Variants in DMD observed in about 807,000 individuals in gnomAD.
DMD encodes the protein dystrophin.
Under a neutral mutation model 330.1 loss-of-function variants are expected in DMD, and 63 were observed. The observed-to-expected ratio is 0.19, with a 90% CI of 0.16 to 0.24. The LOEUF is 0.24. DMD is among the 10% of genes least tolerant of loss of function. DMD has a pLI of 1.00. For missense variants in DMD, 3,344 were observed against 2,684.1 expected, an observed-to-expected ratio of 1.25 and a Z score of -5.43; for synonymous variants, 1,223 against 959.8, an observed-to-expected ratio of 1.27 and a Z score of -5.07.
chrX:32,907,663 G>A (rs770793246), intron 2 of DMD, among the ~76,000 whole-genome samples: 25 of 111,670 alleles, frequency 2.2e-4, no homozygotes, highest in Admixed American at 5.7e-4. Context: ...ATTGGGTAAC[G>A]AGATCACTAA....
At chrX:31,207,068 C>T (rs1293342061) in intron 65 of DMD, among the ~76,000 whole-genome samples, 1 of 111,734 alleles carries the variant, frequency 8.9e-6, no homozygotes, top group Non-Finnish European at 1.9e-5. Context: ...AGCAAATTAC[C>T]TACTTTGGTC....
chrX:32,354,733 G>A (rs2097793134), intron 37 of DMD, among the ~76,000 whole-genome samples: 1 of 111,286 alleles, frequency 9.0e-6, no homozygotes, highest in Non-Finnish European at 1.9e-5. Flanking sequence ...ATGTGAAAAT[G>A]TGACTAATTT....
intron 32 of DMD, among the ~76,000 whole-genome samples, chrX:32,388,261 C>T (rs1012364086): frequency 3.7e-5 from 4 of 107,804 alleles, no homozygotes; most frequent in African/African-American, 6.8e-5. Flanking sequence ...ACATTAGAGA[C>T]CTGTTTCTAG....
At chrX:32,482,517 T>C (rs1312483213) in intron 21 of DMD, among the ~76,000 whole-genome samples, 1 of 112,028 alleles carries the variant, frequency 8.9e-6, no homozygotes, top group African/African-American at 3.2e-5. Context: ...CACTGCCTTG[T>C]ATGGATGTGC....
rs751618105 is a variant in DMD, at chrX:31,971,301, C to T, written c.6439-2787G>A. Among the ~76,000 whole-genome samples, 49 of 111,992 alleles carry T rather than the reference C, an allele frequency of 4.4e-4. No individual in the cohort carries two copies. In the Admixed American group the frequency reaches 4.6e-3, roughly 11 times the overall value. The stretch of plus-strand genomic sequence containing the variant: ...AGCCTCTTTGCTTTGTAGTTTTGAT[C>T]TTGGCACTTTTGCTTCATGGCTGAT... On this transcript the variant is annotated intron_variant, in intron 44 of 78. Transcript: ENST00000357033.
At chrX:31,946,554 AGATT>A (rs1390161963) in intron 45 of DMD, among the ~76,000 whole-genome samples, 1 of 111,918 alleles carries the variant, frequency 8.9e-6, no homozygotes, top group Non-Finnish European at 1.9e-5. Context: ...AGATTACTCA[AGATT>A]GGTTTTGATC....
chrX:33,037,041 A>G (rs1489234007), intron 1 of DMD, among the ~76,000 whole-genome samples: 2 of 111,100 alleles, frequency 1.8e-5, no homozygotes, highest in Non-Finnish European at 3.8e-5. Flanking sequence ...GAAGGTTTTG[A>G]TTGCATTTTC....
intron 51 of DMD, among the ~76,000 whole-genome samples, chrX:31,769,318 T>C (rs191296995): frequency 1.8e-5 from 2 of 112,659 alleles, no homozygotes; most frequent in East Asian, 5.6e-4. Context: ...CCAGTCTTTG[T>C]TGAATATGAA....
At chrX:32,875,252 T>A (rs1188794180) in intron 2 of DMD, among the ~76,000 whole-genome samples, 1 of 111,587 alleles carries the variant, frequency 9.0e-6, no homozygotes, top group African/African-American at 3.3e-5. Context: ...CTATTGCCTA[T>A]GTTTCTATTT....
chrX:31,657,773 T>C (rs1168507629), intron 54 of DMD, among the ~76,000 whole-genome samples: 2 of 111,883 alleles, frequency 1.8e-5, no homozygotes, highest in Non-Finnish European at 3.8e-5. Context: ...CTTGGTTATG[T>C]CACTACTTTT....
Position 32,100,918 on chromosome X carries a change from G to A in DMD, c.6438+115998C>T, listed in dbSNP as rs759138600. Among the ~76,000 whole-genome samples, 88 of 111,524 alleles carry A rather than the reference G, an allele frequency of 7.9e-4. 1 individual carries two copies. Among genetic ancestry groups the A allele is most frequent in the African/African-American group, 2.7e-3 (84 of 30,741 alleles). On this transcript the variant is annotated intron_variant, in intron 44 of 78. Transcript: ENST00000357033. ...GATTTTATCTTGTACTCAGTTCCAT[G>A]TTCCTATTCATTCATTTGTCTTTAT...
intron 63 of DMD, among the ~76,000 whole-genome samples, chrX:31,233,178 T>C (rs1023645873): frequency 1.8e-5 from 2 of 111,841 alleles, no homozygotes; most frequent in African/African-American, 6.5e-5. Context: ...ACTATTCTCC[T>C]CCTTTGGCTC....
At position 31,852,988 on chromosome X, in the gene DMD, G is replaced by A. The variant is rs139882844; in HGVS notation, c.7099-16169C>T. On this transcript the variant is annotated intron_variant, in intron 48 of 78. Transcript: ENST00000357033. Reference sequence around the variant, plus strand: ...AACCTCTGCCTCCCCAGCTCAAGCGGTTCTTGTGCCTCAGCCTCCAGAGTA... The same window carrying A: ...AACCTCTGCCTCCCCAGCTCAAGCGATTCTTGTGCCTCAGCCTCCAGAGTA... Among the ~76,000 whole-genome samples the A allele has an allele frequency of 7.9e-3, 892 of 112,352 alleles. 9 individuals are homozygous for A. Among genetic ancestry groups the A allele is most frequent in the African/African-American group, 0.027 (826 of 30,944 alleles).
intron 62 of DMD, among the ~76,000 whole-genome samples, chrX:31,310,225 ATGTG>A (rs1491581063): frequency 1.1e-5 from 1 of 89,305 alleles, no homozygotes; most frequent in Non-Finnish European, 2.2e-5. Context: ...ATATATATAT[ATGTG>A]TGTGTGTCTG....
chrX:32,868,704 G>T (rs2082712967), intron 2 of DMD, among the ~76,000 whole-genome samples: 1 of 112,430 alleles, frequency 8.9e-6, no homozygotes, highest in African/African-American at 3.3e-5. Flanking sequence ...CTGCTTGCAG[G>T]AATTCCAGTA....
intron 61 of DMD, among the ~76,000 whole-genome samples, chrX:31,331,665 G>A: frequency 8.9e-6 from 1 of 111,877 alleles, no homozygotes; most frequent in Non-Finnish European, 1.9e-5. Flanking sequence ...CCAGGTAATG[G>A]TGGTTACAGT....
At chrX:32,503,015 A>G (rs142078889) in intron 18 of DMD, among the ~76,000 whole-genome samples, 69 of 112,202 alleles carry the variant, frequency 6.1e-4, no homozygotes, top group Non-Finnish European at 1.1e-3. Flanking sequence ...AATTTTATTT[A>G]TTTTAAATAA....
chrX:32,728,984 C>A (rs1179980888), intron 7 of DMD, among the ~76,000 whole-genome samples: 1 of 111,762 alleles, frequency 8.9e-6, no homozygotes, highest in Non-Finnish European at 1.9e-5. Context: ...ACAAAAGGTG[C>A]TAGGGCGCAA....
intron 25 of DMD, among the ~76,000 whole-genome samples, chrX:32,455,823 G>A (rs1219702696): frequency 2.7e-5 from 3 of 111,233 alleles, no homozygotes; most frequent in Non-Finnish European, 5.7e-5. Flanking sequence ...TTGCAAAAGA[G>A]TCTGTCTGTG....
Sources: gnomAD v4.1 joint callset for allele counts (sites outside exome capture counted in the v4.1 genomes callset) on GRCh38, gnomAD v4.1.1 for gene constraint, MANE v1.5 for transcripts, NCBI Gene and HGNC (gene_info 2026-07-23, HGNC 2026-07-21) for gene names.